Variants in PDE7B observed in about 807,000 individuals in gnomAD.
PDE7B encodes phosphodiesterase 7B.
In PDE7B, 29 loss-of-function variants were observed where a neutral mutation model predicts 56.2. The observed-to-expected ratio is 0.52, with a 90% CI of 0.38 to 0.70. The LOEUF is 0.70. Ranked by LOEUF, PDE7B falls within the 30% of genes least tolerant of loss-of-function variation. The pLI is 0.00. For missense variants in PDE7B, 490 were observed against 565.0 expected, an observed-to-expected ratio of 0.87 and a Z score of 1.35; for synonymous variants, 197 against 196.9, an observed-to-expected ratio of 1.00 and a Z score of 0.00.
Position 135,999,023 on chromosome 6 carries a change from G to A in PDE7B, c.82+51499G>A, listed in dbSNP as rs188048322. On this transcript the variant is annotated intron_variant, in intron 2 of 12. Coordinates refer to ENST00000308191, the MANE Select transcript of PDE7B (RefSeq NM_018945.4). The stretch of plus-strand genomic sequence containing the variant: ...ATATGCTGAGAAAGAGGAAGAGAAC[G>A]GTGAATTTATCACCTTTTCTCTGCC... Among the ~76,000 whole-genome samples the A allele has an allele frequency of 3.0e-3, 461 of 152,018 alleles. 3 individuals are homozygous for A. The highest frequency in any genetic ancestry group is 1.0e-2 in the African/African-American group (414 of 41,450).
Position 136,021,717 on chromosome 6 carries a change from A to C in PDE7B, c.82+74193A>C, listed in dbSNP as rs372196217. ...CAGCTACCACCCTAGCCAATACATC[A>C]TTTCTTCTTTCTTGAATTGTATTAG... is the stretch of plus-strand genomic sequence containing the variant. On this transcript the variant is annotated intron_variant, in intron 2 of 12. Coordinates refer to ENST00000308191, the MANE Select transcript of PDE7B (RefSeq NM_018945.4). Among the ~76,000 whole-genome samples, 15 of 151,538 alleles carry C rather than the reference A, an allele frequency of 9.9e-5. 1 individual carries two copies. The highest frequency in any genetic ancestry group is 5.2e-4 in the Admixed American group (8 of 15,242).
At chr6:135,856,796 A>G (rs1258348515) in intron 1 of PDE7B, among the ~76,000 whole-genome samples, 1 of 152,224 alleles carries the variant, frequency 6.6e-6, no homozygotes, top group Non-Finnish European at 1.5e-5. Flanking sequence ...AATTCTTGAT[A>G]CTACTGTATA....
At chr6:136,149,725 T>TA (rs1196090757) in intron 5 of PDE7B, among the ~76,000 whole-genome samples, 2 of 152,166 alleles carry the variant, frequency 1.3e-5, no homozygotes, top group African/African-American at 4.8e-5. Flanking sequence ...AAGAAAATAA[T>TA]AAAAAACCTA....
At chr6:136,106,961 T>C (rs1183095208) in intron 2 of PDE7B, among the ~76,000 whole-genome samples, 1 of 152,232 alleles carries the variant, frequency 6.6e-6, no homozygotes, top group South Asian at 2.1e-4. Flanking sequence ...CTTTGGTTTA[T>C]AACATTTATC....
intron 2 of PDE7B, among the ~76,000 whole-genome samples, chr6:136,003,957 A>G (rs1775723741): frequency 6.6e-6 from 1 of 152,068 alleles, no homozygotes; most frequent in Non-Finnish European, 1.5e-5. Context: ...TCCTCAATAA[A>G]ATACTGGCAA....
intron 2 of PDE7B, among the ~76,000 whole-genome samples, chr6:136,020,898 A>G (rs1776059412): frequency 6.6e-6 from 1 of 152,204 alleles, no homozygotes; most frequent in Admixed American, 6.5e-5. Context: ...ATTGTGCAAT[A>G]GTAATAATGC....
intron 2 of PDE7B, among the ~76,000 whole-genome samples, chr6:135,957,928 A>G (rs1030080471): frequency 1.3e-5 from 2 of 152,038 alleles, no homozygotes; most frequent in African/African-American, 4.8e-5. Context: ...CCCCTGTCCA[A>G]TCACATCAAA....
At chr6:136,176,764 G>A (rs1583926397) in intron 9 of PDE7B, among the ~76,000 whole-genome samples, 2 of 151,992 alleles carry the variant, frequency 1.3e-5, no homozygotes, top group East Asian at 3.9e-4. Context: ...AAGAATGAGG[G>A]GAACCATTTT....
Position 136,191,853 on chromosome 6 carries a change from C to G in PDE7B, c.*13C>G. 1 of 1,540,942 alleles carries G rather than the reference C, an allele frequency of 6.5e-7. No individual in the cohort carries two copies. The highest frequency in any genetic ancestry group is 8.8e-7 in the Non-Finnish European group (1 of 1,140,086). Reference sequence around the variant, plus strand: ...CGACAGCCCCTAGGGGCCGGCCCAACTTAGACGCGGCTCTCCTCCGGCAGG... The same window carrying G: ...CGACAGCCCCTAGGGGCCGGCCCAAGTTAGACGCGGCTCTCCTCCGGCAGG... On this transcript the variant is annotated 3_prime_UTR_variant, in exon 13 of 13. Coordinates refer to ENST00000308191, the MANE Select transcript of PDE7B (RefSeq NM_018945.4).
chr6:135,968,486 A>C (rs1775037526), intron 2 of PDE7B, among the ~76,000 whole-genome samples: 1 of 152,238 alleles, frequency 6.6e-6, no homozygotes, highest in Non-Finnish European at 1.5e-5. Flanking sequence ...TGGGCAAATG[A>C]CATGAACAGA....
At chr6:136,126,114 C>T (rs1297677933) in intron 3 of PDE7B, among the ~76,000 whole-genome samples, 1 of 152,156 alleles carries the variant, frequency 6.6e-6, no homozygotes, top group East Asian at 1.9e-4. Flanking sequence ...CTATATTGCA[C>T]CCACATGCAG....
At chr6:135,906,825 T>TTTTTTTTTTTGTTTTTTTTTTTTG (rs1776120813) in intron 1 of PDE7B, among the ~76,000 whole-genome samples, 1 of 145,782 alleles carries the variant, frequency 6.9e-6, no homozygotes, top group African/African-American at 2.6e-5. Flanking sequence ...TTTTTTTTTT[T>TTTTTTTTTTTGTTTTTTTTTTTTG]TTTTTTTTTT....
At chr6:136,093,829 G>A (rs1189144682) in intron 2 of PDE7B, among the ~76,000 whole-genome samples, 1 of 152,188 alleles carries the variant, frequency 6.6e-6, no homozygotes, top group Non-Finnish European at 1.5e-5. Flanking sequence ...CCAACAGTCT[G>A]CTCTCAACAG....
rs200082028 is a variant in PDE7B at position 135,934,738 on chromosome 6, A to AT, written c.22-12726_22-12725insT. On this transcript the variant is annotated intron_variant, in intron 1 of 12. Coordinates refer to ENST00000308191, the MANE Select transcript of PDE7B (RefSeq NM_018945.4). ...GAGTGAAACTCTGTCTCAAAAAAAAAAATATATATATATATATTTTTTAAA... is the reference window on the plus strand; with the variant it reads ...GAGTGAAACTCTGTCTCAAAAAAAAATAATATATATATATATATTTTTTAAA... Among the ~76,000 whole-genome samples, 540 of 81,426 alleles carry AT rather than the reference A, an allele frequency of 6.6e-3. 5 individuals carry two copies. The highest frequency in any genetic ancestry group is 0.059 in the East Asian group (145 of 2,472). The allele number at this position is 81,426 out of a possible 152,430, so 53.4% of individuals were successfully genotyped here.
chr6:135,962,423 C>T (rs578027597), intron 2 of PDE7B, among the ~76,000 whole-genome samples: 9 of 152,018 alleles, frequency 5.9e-5, no homozygotes, highest in African/African-American at 1.4e-4. Flanking sequence ...TTATAAATTT[C>T]GTATAAAAAA....
chr6:136,034,374 A>T (rs1346878730), intron 2 of PDE7B: 7 of 152,212 alleles, frequency 4.6e-5, no homozygotes, highest in African/African-American at 1.7e-4. Context: ...TATCGGGGTT[A>T]TCAATTCTTT....
Position 136,108,775 on chromosome 6 carries a change from C to G in PDE7B, c.127C>G (p.Arg43Gly), listed in dbSNP as rs367675238. The change falls in exon 3 of 13, where the codon CGT (arginine) becomes GGT (glycine). Residue 43 changes from arginine to glycine, a missense_variant. Transcript: ENST00000308191. The stretch of plus-strand genomic sequence containing the variant: ...TCAGACGGGGGTTCGTGCTGAACGC[C>G]GTGGCTCCTACCCATTCATTGACTT... ...RGQTGVRAERRGSYPFIDFRL... is the reference protein window; with the variant it reads ...RGQTGVRAERGGSYPFIDFRL... 1 of 1,611,488 alleles carries G rather than the reference C, an allele frequency of 6.2e-7. No homozygotes were observed. Among genetic ancestry groups the G allele is most frequent in the Admixed American group, 1.7e-5 (1 of 59,986 alleles).
intron 1 of PDE7B, among the ~76,000 whole-genome samples, chr6:135,938,215 G>A (rs1404867024): frequency 6.6e-6 from 1 of 152,154 alleles, no homozygotes; most frequent in Non-Finnish European, 1.5e-5. Context: ...AACACAAAGT[G>A]TCTATGGACT....
Position 136,188,017 on chromosome 6 carries a change from C to G in PDE7B, c.1126+901C>G, listed in dbSNP as rs112243928. On this transcript the variant is annotated intron_variant, in intron 12 of 12. Transcript: ENST00000308191. ...CTGAACGCATTCACAGTGCTACAGA[C>G]CTTTGCAAGGCTCAAAGTTTAATGC... Among the ~76,000 whole-genome samples, 14 of 152,256 alleles carry G rather than the reference C, an allele frequency of 9.2e-5. 1 individual carries two copies. Among genetic ancestry groups the G allele is most frequent in the African/African-American group, 3.1e-4 (13 of 41,536 alleles).
Sources: allele counts gnomAD v4.1 joint callset (sites outside exome capture counted in the v4.1 genomes callset), GRCh38; gene constraint gnomAD v4.1.1; transcripts MANE v1.5; gene names NCBI Gene and HGNC (gene_info 2026-07-23, HGNC 2026-07-21).